Variants in TMED8 observed in about 807,000 individuals in gnomAD.
TMED8 encodes the protein transmembrane p24 trafficking protein family member 8, also known as protein TMED8.
Under a neutral mutation model 32.7 loss-of-function variants are expected in TMED8, and 15 were observed. The observed-to-expected ratio is 0.46, with a 90% CI of 0.31 to 0.71. TMED8 has a LOEUF of 0.71. Ranked by LOEUF, TMED8 falls within the 30% of genes least tolerant of loss-of-function variation. The probability of loss-of-function intolerance (pLI) is 0.06; values close to 1 mark genes in which losing one functional copy is unlikely to be tolerated. For missense variants in TMED8, 390 were observed against 423.9 expected (o/e 0.92, Z 0.70); for synonymous variants, 147 against 161.4 (o/e 0.91, Z 0.68).
At chr14:77,375,292 T>C (rs1893786890) in intron 1 of TMED8, among the ~76,000 whole-genome samples, 1 of 151,738 alleles carries the variant, frequency 6.6e-6, no homozygotes, top group South Asian at 2.1e-4. Context: ...TCTCTACCAA[T>C]GTCCTGGGAG....
rs1250476691 is a variant in TMED8, at chr14:77,335,990, A to T, written c.*5781T>A. On this transcript the variant is annotated 3_prime_UTR_variant, in exon 6 of 6. Coordinates refer to ENST00000216468, the MANE Select transcript of TMED8 (RefSeq NM_213601.3). ...ATCCTAAGAATCAACAATAACAATC[A>T]ATAGCAAGGAACATTACACATTCAA... The T allele has an allele frequency of 2.0e-5, 3 of 152,346 alleles. No homozygotes were observed. In the East Asian group the frequency reaches 5.8e-4, roughly 29 times the overall value. The allele number at this position is 152,346 out of a possible 1,614,324, so 9.4% of individuals were successfully genotyped here. A position where few individuals can be genotyped will look rare whatever the true frequency, so the allele number is the denominator to read the frequency against.
intron 1 of TMED8, among the ~76,000 whole-genome samples, chr14:77,367,695 C>CT (rs769529439): frequency 1.3e-3 from 195 of 144,756 alleles, no homozygotes; most frequent in Non-Finnish European, 1.6e-3. Context: ...AACTTTCTTT[C>CT]TTTTTTTTTT....
chr14:77,341,940 C>T lies in TMED8; in HGVS notation c.809G>A (p.Arg270Gln), dbSNP rs373215462. 6.8e-6 allele frequency: 11 copies of T among 1,613,876 alleles called. No individual in the cohort carries two copies. The highest frequency in any genetic ancestry group is 2.7e-5 in the African/African-American group (2 of 74,888). ...DVERGSRSSL[R>Q]GRYGEVMPVY... ...AGGCATGACCTCCCCATAGCGACCC[C>T]GCAAGGAGCTCCTGGAGCCTCTCTC... The change falls in exon 6 of 6, where the codon CGG (arginine) becomes CAG (glutamine). Residue 270 changes from arginine to glutamine, a missense_variant. Coordinates refer to ENST00000216468, the MANE Select transcript of TMED8 (RefSeq NM_213601.3).
In TMED8 at chr14:77,339,619, A is replaced by G. The variant is rs551454693; in HGVS notation, c.*2152T>C. On this transcript the variant is annotated 3_prime_UTR_variant, in exon 6 of 6. Transcript: ENST00000216468. The stretch of plus-strand genomic sequence containing the variant: ...TTAGCTAAGGCATGATTCAACTTCA[A>G]TGATGCAAGAGCGGTCACTCAGCTA... The G allele has an allele frequency of 6.6e-6, 1 of 152,374 alleles. No individual in the cohort carries two copies. The highest frequency in any genetic ancestry group is 1.9e-4 in the East Asian group (1 of 5,194). The allele number at this position is 152,374 out of a possible 1,614,324, so 9.4% of individuals were successfully genotyped here. A position where few individuals can be genotyped will look rare whatever the true frequency, so the allele number is the denominator to read the frequency against.
intron 5 of TMED8, among the ~76,000 whole-genome samples, chr14:77,342,608 G>A (rs990307046): frequency 2.0e-5 from 3 of 152,174 alleles, no homozygotes; most frequent in Non-Finnish European, 2.9e-5. Flanking sequence ...CTACTCTTAC[G>A]TTATCTGAAA....
intron 2 of TMED8, 86 bp downstream of exon 2, chr14:77,351,587 C>T (rs955304301): frequency 3.9e-6 from 5 of 1,276,276 alleles, no homozygotes; most frequent in Non-Finnish European, 5.6e-6. Context: ...ACTTGCCTCC[C>T]CGCTTAAAGT....
intron 5 of TMED8, 148 bp downstream of exon 5, chr14:77,343,030 T>G: frequency 2.6e-6 from 2 of 762,508 alleles, no homozygotes; most frequent in Non-Finnish European, 4.1e-6. Flanking sequence ...CAGAATGTTC[T>G]CTTTGGCCTG....
At chr14:77,351,969 T>C (rs1435321132) in intron 1 of TMED8, among the ~76,000 whole-genome samples, 4 of 152,202 alleles carry the variant, frequency 2.6e-5, no homozygotes, top group African/African-American at 9.7e-5. Context: ...AATAAATCAT[T>C]TCTAAAACAA....
In TMED8 at chr14:77,338,820, A is replaced by T. The variant is rs1297130533; in HGVS notation, c.*2951T>A. ...TGTTTGCTGAAATTTTTTCACAATAAAACACTGGGGGAAAAGAAATCAATA... is the reference window on the plus strand; with the variant it reads ...TGTTTGCTGAAATTTTTTCACAATATAACACTGGGGGAAAAGAAATCAATA... On this transcript the variant is annotated 3_prime_UTR_variant, in exon 6 of 6. Transcript: ENST00000216468. 6.6e-6 allele frequency: 1 copy of T among 152,250 alleles called. No homozygotes were observed. The highest frequency in any genetic ancestry group is 1.9e-4 in the East Asian group (1 of 5,204). The allele number at this position is 152,250 out of a possible 1,614,324, so 9.4% of individuals were successfully genotyped here.
intron 1 of TMED8, among the ~76,000 whole-genome samples, chr14:77,372,944 ATATATATATTTTTTTTTTT>A (rs1893723570): frequency 8.6e-5 from 2 of 23,198 alleles, no homozygotes; most frequent in Non-Finnish European, 1.3e-4. Context: ...ATATATATAT[ATATATATATTTTTTTTTTT>A]TTTTTTTTTT....
chr14:77,375,146 A>G (rs564667258), intron 1 of TMED8, among the ~76,000 whole-genome samples: 1 of 152,324 alleles, frequency 6.6e-6, no homozygotes, highest in South Asian at 2.1e-4. Flanking sequence ...GGTTATCATT[A>G]CTATTATTTT....
At chr14:77,374,337 A>G (rs1430080045) in intron 1 of TMED8, among the ~76,000 whole-genome samples, 1 of 152,238 alleles carries the variant, frequency 6.6e-6, no homozygotes. Flanking sequence ...TTGGAAGCCC[A>G]GCTTAACTCT....
chr14:77,369,339 C>T (rs139061946), intron 1 of TMED8, among the ~76,000 whole-genome samples: 11 of 152,222 alleles, frequency 7.2e-5, no homozygotes, highest in African/African-American at 2.6e-4. Flanking sequence ...CTATTTGTGG[C>T]CTTCTATTTC....
chr14:77,368,018 C>T lies in TMED8; in HGVS notation c.118+8918G>A, dbSNP rs192493349. On this transcript the variant is annotated intron_variant, in intron 1 of 5. Coordinates refer to ENST00000216468, the MANE Select transcript of TMED8 (RefSeq NM_213601.3). ...CAGTTTGTTCACTGTCATTGCTGTA[C>T]GTTATTCCATGAATCCACCATGAGC... Among the ~76,000 whole-genome samples, 109 of 152,166 alleles carry T rather than the reference C, an allele frequency of 7.2e-4. 1 individual carries two copies. The highest frequency in any genetic ancestry group is 2.6e-3 in the African/African-American group (107 of 41,526).
intron 1 of TMED8, among the ~76,000 whole-genome samples, chr14:77,375,548 G>A (rs543639306): frequency 6.6e-6 from 1 of 152,266 alleles, no homozygotes; most frequent in Admixed American, 6.5e-5. Flanking sequence ...ATATGCCAAC[G>A]ATTTTTAATT....
At position 77,341,802 on chromosome 14, in the gene TMED8, G is replaced by C. The variant is rs1203313874; in HGVS notation, c.947C>G (p.Thr316Ser). 7 of 1,613,978 alleles carry C rather than the reference G, an allele frequency of 4.3e-6. No homozygotes were observed. Among genetic ancestry groups the C allele is most frequent in the Non-Finnish European group, 5.1e-6 (6 of 1,180,040 alleles). ...DNSYSLLRNKTLYFHIYYTS is the reference protein window; with the variant it reads ...DNSYSLLRNKSLYFHIYYTS ...GGTGTAGTAGATGTGGAAGTAGAGA[G>C]TCTTGTTGCGCAGCAGGGAGTAGGA... Residue 316 changes from threonine to serine, a missense_variant, in exon 6 of 6, where the codon ACT becomes AGT. Coordinates refer to ENST00000216468, the MANE Select transcript of TMED8 (RefSeq NM_213601.3).
intron 1 of TMED8, among the ~76,000 whole-genome samples, chr14:77,364,243 C>T (rs553027230): frequency 1.8e-4 from 28 of 152,124 alleles, no homozygotes; most frequent in Non-Finnish European, 4.0e-4. Context: ...CTCTATCACC[C>T]AGGCTGGAGT....
chr14:77,344,325 C>T (rs1164850289), intron 3 of TMED8, among the ~76,000 whole-genome samples: 2 of 152,216 alleles, frequency 1.3e-5, no homozygotes, highest in East Asian at 3.8e-4. Flanking sequence ...ACTGCAGAGA[C>T]AGAATCTGGT....
At chr14:77,357,757 A>C (rs1453922323) in intron 1 of TMED8, among the ~76,000 whole-genome samples, 5 of 152,160 alleles carry the variant, frequency 3.3e-5, no homozygotes. Flanking sequence ...TGAGCTTTAA[A>C]ATCTTATAAA....
Sources: gnomAD v4.1 joint callset for allele counts (sites outside exome capture counted in the v4.1 genomes callset) on GRCh38, gnomAD v4.1.1 for gene constraint, MANE v1.5 for transcripts, NCBI Gene and HGNC (gene_info 2026-07-23, HGNC 2026-07-21) for gene names.